Variants in AKAP9 observed in about 807,000 individuals in gnomAD.
AKAP9 encodes A-kinase anchoring protein 9, also known as A-kinase anchor protein 9.
A neutral mutation model predicts 488.5 loss-of-function variants in AKAP9; 311 were observed. The ratio of observed to expected loss-of-function variants is 0.64; its 90% confidence interval spans 0.58 to 0.70. The LOEUF (loss-of-function observed/expected upper bound fraction) is 0.70. AKAP9 is among the 30% of genes least tolerant of loss of function. The pLI, the probability that AKAP9 is intolerant of heterozygous loss-of-function variation, is 0.00. For missense variants in AKAP9, 4,215 were observed against 4,374.5 expected, an observed-to-expected ratio of 0.96 and a Z score of 1.03; for synonymous variants, 1,462 against 1,483.5, an observed-to-expected ratio of 0.99 and a Z score of 0.33.
At chr7:91,969,842 C>T (rs1355652161) in intron 1 of AKAP9, among the ~76,000 whole-genome samples, 1 of 152,062 alleles carries the variant, frequency 6.6e-6, no homozygotes, top group Non-Finnish European at 1.5e-5. Context: ...ATGGTTGGGT[C>T]TTACTTCTGT....
At chr7:91,969,943 A>G (rs1794847578) in intron 1 of AKAP9, among the ~76,000 whole-genome samples, 1 of 151,836 alleles carries the variant, frequency 6.6e-6, no homozygotes. Flanking sequence ...TACTAATGCT[A>G]TTTTGTTGCT....
chr7:92,082,803 T>G, intron 32 of AKAP9, 141 bp downstream of exon 32: 1 of 1,061,480 alleles, frequency 9.4e-7, no homozygotes, highest in Non-Finnish European at 1.4e-6. Flanking sequence ...ATGAAAACTT[T>G]CATTGTTATA....
chr7:91,986,816 C>T (rs1056280249), intron 3 of AKAP9, among the ~76,000 whole-genome samples: 1 of 152,002 alleles, frequency 6.6e-6, no homozygotes, highest in East Asian at 1.9e-4. Flanking sequence ...AAACTTAGAA[C>T]AGTATTTATC....
intron 3 of AKAP9, among the ~76,000 whole-genome samples, chr7:91,988,835 A>G (rs1390273003): frequency 6.6e-6 from 1 of 152,164 alleles, no homozygotes; most frequent in Non-Finnish European, 1.5e-5. Context: ...TCTAGGGTAC[A>G]TGTGCACAAC....
chr7:92,027,245 CA>C (rs1803390872), intron 14 of AKAP9, among the ~76,000 whole-genome samples: 5 of 140,720 alleles, frequency 3.6e-5, no homozygotes, highest in Admixed American at 7.1e-5. Flanking sequence ...CCCGGCTGCC[CA>C]TCGTCTGGGA....
intron 1 of AKAP9, among the ~76,000 whole-genome samples, chr7:91,955,835 T>C (rs1383127183): frequency 6.6e-6 from 1 of 152,138 alleles, no homozygotes; most frequent in Non-Finnish European, 1.5e-5. Context: ...GGTCTCGCCG[T>C]GTTGGCCAGG....
intron 1 of AKAP9, among the ~76,000 whole-genome samples, chr7:91,961,871 A>G (rs1337629086): frequency 6.6e-6 from 1 of 152,146 alleles, no homozygotes; most frequent in Admixed American, 6.5e-5. Context: ...AGTTTAAGGA[A>G]TAAGTTATTA....
rs140782750 is a variant in AKAP9 at position 92,079,299 on chromosome 7, A to G, written c.7166A>G (p.Asp2389Gly). ...EEADSLKHQL[D>G]VVIAEKLALE... ...GCAGACAGTTTAAAACATCAATTGG[A>G]TGTGGTTATAGCTGAAAAGCTGGCC... Residue 2389 changes from aspartate (D) to glycine (G), a missense_variant, in exon 31 of 50, where the codon GAT becomes GGT. This residue lies in a region of AKAP9 where 1,476 missense variants were observed against 1,477.4 expected (regional missense o/e 1.00). Transcript: ENST00000356239. 181 of 1,614,108 alleles carry G rather than the reference A, an allele frequency of 1.1e-4. No individual in the cohort carries two copies. In the African/African-American group the frequency reaches 2.3e-3, roughly 20 times the overall value.
intron 37 of AKAP9, 134 bp downstream of exon 37, chr7:92,086,550 A>G (rs1459778626): frequency 2.8e-6 from 2 of 706,648 alleles, no homozygotes; most frequent in South Asian, 1.8e-5. Flanking sequence ...AAATTATTGT[A>G]ACTATTTTAA....
Position 92,002,961 on chromosome 7 carries a change from AAG to A in AKAP9, c.3045_3046del (p.Gln1015HisfsTer17). 2 of 1,613,286 alleles carry A rather than the reference AAG, an allele frequency of 1.2e-6. No homozygotes were observed. The highest frequency in any genetic ancestry group is 1.7e-6 in the Non-Finnish European group (2 of 1,179,588). The stretch of plus-strand genomic sequence containing the variant: ...GAAAATGTACAGTCATGTGATACTC[AAG>A]TAAGCTCTTTATTAGATGGAGTTGT... On this transcript the variant is annotated frameshift_variant, in exon 8 of 50. Coordinates refer to ENST00000356239, the MANE Select transcript of AKAP9 (RefSeq NM_005751.5). LOFTEE classifies it high-confidence loss of function.
intron 3 of AKAP9, among the ~76,000 whole-genome samples, chr7:91,983,099 A>G (rs746913808): frequency 6.6e-6 from 1 of 151,996 alleles, no homozygotes; most frequent in Non-Finnish European, 1.5e-5. Context: ...CATGTGCACA[A>G]CATGCAGGTT....
chr7:92,094,817 G>A (rs570974305), intron 39 of AKAP9, among the ~76,000 whole-genome samples: 4 of 152,290 alleles, frequency 2.6e-5, no homozygotes, highest in East Asian at 3.9e-4. Context: ...TGGCGACAGA[G>A]CGAGACTCCG....
Position 92,084,652 on chromosome 7 carries a change from C to T in AKAP9, c.8659C>T (p.Pro2887Ser), listed in dbSNP as rs146689921. 1.2e-6 allele frequency: 2 copies of T among 1,609,192 alleles called. No homozygotes were observed. Among genetic ancestry groups the T allele is most frequent in the Non-Finnish European group, 1.7e-6 (2 of 1,176,264 alleles). Reference sequence around the variant, plus strand: ...TTTCTCTAATTAGGGATCCTCAATTCCTGAGCTAGCACATTCTGATGCTTA... The same window carrying T: ...TTTCTCTAATTAGGGATCCTCAATTTCTGAGCTAGCACATTCTGATGCTTA... ...CLRSKEGSSIPELAHSDAYQT... is the reference protein window; with the variant it reads ...CLRSKEGSSISELAHSDAYQT... Residue 2887 changes from proline (P) to serine (S), a missense_variant, in exon 34 of 50, where the codon CCT becomes TCT. By Grantham distance (74) the Pro-to-Ser change is moderately conservative. Coordinates refer to ENST00000356239, the MANE Select transcript of AKAP9 (RefSeq NM_005751.5).
chr7:91,985,440 A>T (rs1348658460), intron 3 of AKAP9, among the ~76,000 whole-genome samples: 1 of 152,080 alleles, frequency 6.6e-6, no homozygotes, highest in African/African-American at 2.4e-5. Flanking sequence ...GTTTTGAACC[A>T]GCCTTGCAGC....
At chr7:91,995,490 G>T (rs995637602) in intron 6 of AKAP9, 113 bp from the exon 7 acceptor site, 4 of 873,104 alleles carry the variant, frequency 4.6e-6, no homozygotes, top group East Asian at 2.6e-5. Flanking sequence ...GTTTGCTAGG[G>T]TCTCAAGCCT....
intron 26 of AKAP9, among the ~76,000 whole-genome samples, chr7:92,069,810 G>GT (rs1811386073): frequency 1.3e-5 from 2 of 152,176 alleles, no homozygotes; most frequent in South Asian, 4.1e-4. Context: ...GAGCCCAGGA[G>GT]TTTGAGGCTG....
In AKAP9 at chr7:92,000,993, T is replaced by G; in HGVS notation, c.1076T>G (p.Leu359Arg). ...KDKLTTADKL[L>R]GELQEQIVQK... ...AAATTAACAACTGCTGATAAATTAC[T>G]AGGAGAATTACAAGAACAGATTGTG... The change falls in exon 8 of 50, where the codon CTA (leucine) becomes CGA (arginine). Residue 359 changes from leucine to arginine, a missense_variant. By Grantham distance (102) the Leu-to-Arg change is moderately radical (BLOSUM62 -2). Coordinates refer to ENST00000356239, the MANE Select transcript of AKAP9 (RefSeq NM_005751.5). 6.5e-7 allele frequency: 1 copy of G among 1,545,154 alleles called. No individual in the cohort carries two copies. The highest frequency in any genetic ancestry group is 8.7e-7 in the Non-Finnish European group (1 of 1,146,884).
chr7:91,995,982 T>C (rs1031793161), intron 7 of AKAP9, 182 bp downstream of exon 7: 14 of 613,428 alleles, frequency 2.3e-5, no homozygotes, highest in Non-Finnish European at 3.7e-5. Context: ...TAATAGTCAT[T>C]ACTGAGTTCC....
chr7:91,996,967 A>G (rs911236594), intron 7 of AKAP9, among the ~76,000 whole-genome samples: 2 of 152,176 alleles, frequency 1.3e-5, no homozygotes, highest in African/African-American at 4.8e-5. Flanking sequence ...CTAAGTGAGG[A>G]CACCAACACA....
Sources: gnomAD v4.1 joint callset for allele counts (sites outside exome capture counted in the v4.1 genomes callset) on GRCh38, gnomAD v4.1.1 for gene constraint, gnomAD v4.1.1 regional missense constraint, MANE v1.5 for transcripts, NCBI Gene and HGNC (gene_info 2026-07-23, HGNC 2026-07-21) for gene names.